CDH12: variants seen among roughly 807,000 people sequenced by gnomAD.
CDH12 encodes the protein cadherin-12.
A neutral mutation model predicts 74.1 loss-of-function variants in CDH12; 41 were observed. The observed-to-expected ratio is 0.55, with a 90% CI of 0.43 to 0.72. The LOEUF is 0.72. CDH12 is among the 30% of genes least tolerant of loss of function. The pLI is 0.00. For synonymous variants in CDH12, 399 were observed against 355.0 expected (o/e 1.12, Z -1.39); for missense variants, 945 against 977.2 (o/e 0.97, Z 0.44).
At chr5:22,260,925 TAGTAACACAATAAACACAG>T (rs1470000075) in intron 3 of CDH12, among the ~76,000 whole-genome samples, 1 of 151,930 alleles carries the variant, frequency 6.6e-6, no homozygotes, top group Non-Finnish European at 1.5e-5. Context: ...GTTCCGATAA[TAGTAACACAATAAACACAG>T]AGAGCCCATT....
At chr5:22,244,157 T>C (rs748346167) in intron 3 of CDH12, among the ~76,000 whole-genome samples, 11 of 152,038 alleles carry the variant, frequency 7.2e-5, no homozygotes, top group Non-Finnish European at 1.3e-4. Context: ...AATTAATATG[T>C]ATATACAATA....
At chr5:22,752,563 TTTTTTTTTTTC>T (rs1309683123) in intron 1 of CDH12, among the ~76,000 whole-genome samples, 517 of 20,148 alleles carry the variant, frequency 0.026, 125 homozygotes, top group Non-Finnish European at 0.031. Flanking sequence ...TTTTTTTTTT[TTTTTTTTTTTC>T]TTTTTTTTTT....
intron 3 of CDH12, among the ~76,000 whole-genome samples, chr5:22,239,155 G>T (rs1752660682): frequency 1.3e-5 from 2 of 152,116 alleles, no homozygotes; most frequent in African/African-American, 2.4e-5. Context: ...GTTCTGAAAT[G>T]CATCTCTATC....
chr5:22,811,661 A>G (rs1311146566), intron 1 of CDH12, among the ~76,000 whole-genome samples: 2 of 152,212 alleles, frequency 1.3e-5, no homozygotes, highest in African/African-American at 2.4e-5. Flanking sequence ...AAAAGGAACT[A>G]TTTTACTAAG....
intron 3 of CDH12, among the ~76,000 whole-genome samples, chr5:22,361,417 A>G (rs1365342599): frequency 3.9e-5 from 6 of 152,164 alleles, no homozygotes; most frequent in African/African-American, 7.2e-5. Context: ...TCACTGCTCA[A>G]TGAAATAAAA....
intron 1 of CDH12, among the ~76,000 whole-genome samples, chr5:22,793,920 T>C (rs1748053036): frequency 6.6e-6 from 1 of 152,208 alleles, no homozygotes; most frequent in Non-Finnish European, 1.5e-5. Flanking sequence ...TGCATTGATA[T>C]TAGCAATCTG....
chr5:22,692,008 C>T (rs935399429), intron 1 of CDH12, among the ~76,000 whole-genome samples: 1 of 152,158 alleles, frequency 6.6e-6, no homozygotes, highest in African/African-American at 2.4e-5. Flanking sequence ...CCCTCCACAT[C>T]TCATGTTGCA....
At chr5:22,029,844 C>A (rs1366944907) in intron 5 of CDH12, among the ~76,000 whole-genome samples, 6 of 151,716 alleles carry the variant, frequency 4.0e-5, no homozygotes, top group African/African-American at 1.5e-4. Context: ...TTCACAATAG[C>A]AAAGACTTGG....
At chr5:22,490,700 C>T (rs190979812) in intron 2 of CDH12, among the ~76,000 whole-genome samples, 2 of 152,222 alleles carry the variant, frequency 1.3e-5, no homozygotes, top group East Asian at 3.9e-4. Flanking sequence ...ACTAAATATA[C>T]ACATTTTAAA....
chr5:21,842,167 G>C lies in CDH12; in HGVS notation c.808C>G (p.Pro270Ala). ...TDVNDNPPRF[P>A]KSIFHLKVPE... ...AACAGGAAAGGTGACATACTTTTGG[G>C]GAATCGAGGTGGATTGTCATTGACA... The change falls in exon 8 of 15, where the codon CCC (proline) becomes GCC (alanine). Residue 270 changes from proline (P) to alanine (A), a missense_variant. Coordinates refer to ENST00000382254, the MANE Select transcript of CDH12 (RefSeq NM_004061.5). 1 of 1,606,712 alleles carries C rather than the reference G, an allele frequency of 6.2e-7. No individual in the cohort carries two copies.
chr5:22,094,111 C>A (rs1161290887), intron 4 of CDH12, among the ~76,000 whole-genome samples: 1 of 152,136 alleles, frequency 6.6e-6, no homozygotes, highest in Non-Finnish European at 1.5e-5. Flanking sequence ...ATCTGTGCTG[C>A]AGAGGGAAAT....
At chr5:21,997,696 C>CT (rs1736380886) in intron 5 of CDH12, among the ~76,000 whole-genome samples, 4 of 152,106 alleles carry the variant, frequency 2.6e-5, no homozygotes, top group Admixed American at 2.0e-4. Context: ...CTACTTTCTA[C>CT]TTTTACCTTC....
intron 1 of CDH12, among the ~76,000 whole-genome samples, chr5:22,709,499 G>T (rs1743188883): frequency 6.6e-6 from 1 of 152,110 alleles, no homozygotes; most frequent in Non-Finnish European, 1.5e-5. Flanking sequence ...CAGTATAACT[G>T]TACAGTTAAC....
rs1379806956 is a variant in CDH12 at position 22,594,563 on chromosome 5, GAGA to G, written c.-522-89202_-522-89200del. Among the ~76,000 whole-genome samples, 3 of 152,190 alleles carry G rather than the reference GAGA, an allele frequency of 2.0e-5. 1 individual carries two copies. The highest frequency in any genetic ancestry group is 1.5e-5 in the Non-Finnish European group (1 of 68,010). Reference sequence around the variant, plus strand: ...GATCCCCAGCCTTAGGCATAATGCTGAGAAGAATATACTTGGAAGAATTCCTGA... The same window carrying G: ...GATCCCCAGCCTTAGGCATAATGCTGAGAATATACTTGGAAGAATTCCTGA... On this transcript the variant is annotated intron_variant, in intron 1 of 14. Transcript: ENST00000382254.
chr5:22,294,567 T>C (rs1454559249), intron 3 of CDH12, among the ~76,000 whole-genome samples: 1 of 152,158 alleles, frequency 6.6e-6, no homozygotes, highest in Non-Finnish European at 1.5e-5. Context: ...TTCGAAATCT[T>C]AGAGGTATTC....
chr5:22,263,823 C>T (rs1361663318), intron 3 of CDH12, among the ~76,000 whole-genome samples: 1 of 151,930 alleles, frequency 6.6e-6, no homozygotes, highest in African/African-American at 2.4e-5. Context: ...CAAGAGGAAA[C>T]TTTGAGTTAG....
At chr5:22,576,876 G>T (rs1739818962) in intron 1 of CDH12, among the ~76,000 whole-genome samples, 1 of 152,064 alleles carries the variant, frequency 6.6e-6, no homozygotes, top group Admixed American at 6.6e-5. Context: ...CCATACTCTA[G>T]CAGAGTTTGC....
intron 11 of CDH12, among the ~76,000 whole-genome samples, chr5:21,768,976 C>A (rs1379647562): frequency 6.6e-6 from 1 of 151,924 alleles, no homozygotes; most frequent in Non-Finnish European, 1.5e-5. Context: ...GATTTAACAT[C>A]CAAGAACAAT....
At chr5:22,379,476 C>G (rs1347291458) in intron 3 of CDH12, among the ~76,000 whole-genome samples, 1 of 152,002 alleles carries the variant, frequency 6.6e-6, no homozygotes. Flanking sequence ...GTTGTTCACA[C>G]GATTAAATGA....
Sources: allele counts gnomAD v4.1 joint callset (sites outside exome capture counted in the v4.1 genomes callset), GRCh38; gene constraint gnomAD v4.1.1; transcripts MANE v1.5; gene names NCBI Gene and HGNC (gene_info 2026-07-23, HGNC 2026-07-21).